PKHD1: variants seen among roughly 807,000 people sequenced by gnomAD.
PKHD1 encodes the protein fibrocystin.
Under a neutral mutation model 412.0 loss-of-function variants are expected in PKHD1, and 291 were observed. The ratio of observed to expected loss-of-function variants is 0.71; its 90% confidence interval spans 0.64 to 0.78. The LOEUF (loss-of-function observed/expected upper bound fraction) is 0.78, where lower values mean the gene tolerates loss of function less well. Ranked by LOEUF, PKHD1 falls within the 30% of genes least tolerant of loss-of-function variation. The pLI is 0.00. For missense variants in PKHD1, 4,825 were observed against 4,950.7 expected, an observed-to-expected ratio of 0.97 and a Z score of 0.76; for synonymous variants, 1,777 against 1,821.5, an observed-to-expected ratio of 0.98 and a Z score of 0.62.
Position 51,934,246 on chromosome 6 carries a change from C to T in PKHD1, c.5985G>A (p.Glu1995=). The change falls in exon 37 of 67, where the codon GAG becomes GAA. Residue 1995 remains glutamate, a synonymous_variant. Transcript: ENST00000371117. ...GCTTGTCTTCGGATCCAATCCGGAG[C>T]TCTCCACCATCAGAAACAAGGATGG... ...AHAILVSDGG[E]LRIGSEDKPF... is the part of the protein sequence containing the mutation. The T allele has an allele frequency of 3.1e-6, 5 of 1,613,808 alleles. No homozygotes were observed. Among genetic ancestry groups the T allele is most frequent in the Non-Finnish European group, 4.2e-6 (5 of 1,179,868 alleles).
rs556572004 is a variant in PKHD1 at position 51,712,000 on chromosome 6, G to A, written c.10156+32385C>T. On this transcript the variant is annotated intron_variant, in intron 60 of 66. Transcript: ENST00000371117. Reference sequence around the variant, plus strand: ...GTAGCATGTGAATCTAACCAACAGAGATTGCACCACATTATGCTCTCAGCC... The same window carrying A: ...GTAGCATGTGAATCTAACCAACAGAAATTGCACCACATTATGCTCTCAGCC... Among the ~76,000 whole-genome samples the A allele has an allele frequency of 7.2e-5, 11 of 152,246 alleles. No homozygotes were observed. In the South Asian group the frequency reaches 1.9e-3, roughly 26 times the overall value.
intron 60 of PKHD1, among the ~76,000 whole-genome samples, chr6:51,724,295 A>G (rs534848476): frequency 6.6e-6 from 1 of 152,226 alleles, no homozygotes; most frequent in Non-Finnish European, 1.5e-5. Flanking sequence ...GCAAACAATT[A>G]TCTAGTCTTT....
At chr6:51,966,252 A>G (rs1277355780) in intron 35 of PKHD1, among the ~76,000 whole-genome samples, 4 of 152,158 alleles carry the variant, frequency 2.6e-5, no homozygotes, top group African/African-American at 4.8e-5. Flanking sequence ...ATCAATCAAT[A>G]TATGTAAGAT....
chr6:51,735,437 G>A (rs1399284000), intron 60 of PKHD1, among the ~76,000 whole-genome samples: 7 of 152,086 alleles, frequency 4.6e-5, no homozygotes, highest in Admixed American at 4.6e-4. Flanking sequence ...CTAGATAATG[G>A]CAATTATTAT....
intron 34 of PKHD1, among the ~76,000 whole-genome samples, chr6:52,015,390 G>A (rs755708138): frequency 5.9e-5 from 9 of 152,096 alleles, no homozygotes; most frequent in South Asian, 2.1e-4. Context: ...TTCGTGAATC[G>A]GCAAATTGTC....
intron 61 of PKHD1, among the ~76,000 whole-genome samples, chr6:51,657,382 T>C (rs1156790776): frequency 2.0e-5 from 3 of 152,134 alleles, no homozygotes; most frequent in Non-Finnish European, 4.4e-5. Flanking sequence ...CCATAGGATA[T>C]GGCATTTCTT....
intron 60 of PKHD1, chr6:51,721,467 C>G (rs1256292177): frequency 1.2e-6 from 1 of 810,126 alleles, no homozygotes; most frequent in Non-Finnish European, 1.5e-6. Flanking sequence ...AATAAGGCTT[C>G]TCTACCATAT....
chr6:51,909,897 CA>C (rs1782697036), intron 39 of PKHD1, among the ~76,000 whole-genome samples: 1 of 152,066 alleles, frequency 6.6e-6, no homozygotes, highest in Admixed American at 6.6e-5. Flanking sequence ...TTAAGCTGTC[CA>C]ATGAGGTTTC....
chr6:51,901,186 C>G (rs1198474182), intron 43 of PKHD1, among the ~76,000 whole-genome samples: 1 of 152,140 alleles, frequency 6.6e-6, no homozygotes, highest in Non-Finnish European at 1.5e-5. Context: ...ACCCAAAGGA[C>G]TATAAATCAT....
intron 60 of PKHD1, among the ~76,000 whole-genome samples, chr6:51,665,453 A>C (rs1048436964): frequency 6.6e-6 from 1 of 152,124 alleles, no homozygotes; most frequent in South Asian, 2.1e-4. Context: ...GACCCGAAAA[A>C]CCCCACAAAT....
intron 20 of PKHD1, 89 bp downstream of exon 20, chr6:52,053,949 A>G: frequency 3.0e-6 from 4 of 1,351,722 alleles, no homozygotes; most frequent in African/African-American, 1.4e-5. Flanking sequence ...ATATAAGACC[A>G]TTAGTGCCTG....
At chr6:51,892,176 T>A (rs1483455843) in intron 43 of PKHD1, among the ~76,000 whole-genome samples, 1 of 152,226 alleles carries the variant, frequency 6.6e-6, no homozygotes, top group Non-Finnish European at 1.5e-5. Context: ...TTCTCCAATT[T>A]CCTAAAAGCA....
chr6:51,738,214 G>A (rs1044098355), intron 60 of PKHD1, among the ~76,000 whole-genome samples: 4 of 152,116 alleles, frequency 2.6e-5, no homozygotes, highest in Non-Finnish European at 5.9e-5. Context: ...GACAGCTAGC[G>A]CACTCCAACA....
chr6:51,762,918 G>A (rs1476353869), intron 55 of PKHD1, among the ~76,000 whole-genome samples: 1 of 151,956 alleles, frequency 6.6e-6, no homozygotes. Context: ...AAGGGTATAT[G>A]TAAACTACTA....
chr6:51,628,810 AACTAT>A (rs1183940869), intron 65 of PKHD1, among the ~76,000 whole-genome samples: 6 of 152,196 alleles, frequency 3.9e-5, no homozygotes, highest in African/African-American at 1.4e-4. Context: ...CTAGACTTCA[AACTAT>A]ACTACAAAGG....
At chr6:51,998,747 TTC>T (rs1798007709) in intron 35 of PKHD1, among the ~76,000 whole-genome samples, 1 of 152,218 alleles carries the variant, frequency 6.6e-6, no homozygotes, top group South Asian at 2.1e-4. Flanking sequence ...ATGGCTACTT[TTC>T]TCTTTTATCC....
chr6:51,741,073 T>A, intron 60 of PKHD1: 1 of 518,694 alleles, frequency 1.9e-6, no homozygotes, highest in Non-Finnish European at 3.9e-6. Context: ...GTTTTACCAT[T>A]GAATCATGTT....
At position 52,027,322 on chromosome 6, in the gene PKHD1, A is replaced by C. The variant is rs148528677; in HGVS notation, c.3628+507T>G. Among the ~76,000 whole-genome samples, 18 of 152,044 alleles carry C rather than the reference A, an allele frequency of 1.2e-4. No individual in the cohort carries two copies. In the East Asian group the frequency reaches 3.1e-3, roughly 26 times the overall value. ...CGAGGTGGGCAGATCACCTGAGGTA[A>C]GGAGTTCAAGACCAGCCTGGCCAAC... On this transcript the variant is annotated intron_variant, in intron 31 of 66. Coordinates refer to ENST00000371117, the MANE Select transcript of PKHD1 (RefSeq NM_138694.4).
At chr6:51,633,608 A>C (rs1402221729) in intron 64 of PKHD1, among the ~76,000 whole-genome samples, 2 of 152,182 alleles carry the variant, frequency 1.3e-5, no homozygotes, top group East Asian at 3.8e-4. Flanking sequence ...ATGAGCATAA[A>C]AGGCATTATG....
Sources: allele counts gnomAD v4.1 joint callset (sites outside exome capture counted in the v4.1 genomes callset), GRCh38; gene constraint gnomAD v4.1.1; transcripts MANE v1.5; gene names NCBI Gene and HGNC (gene_info 2026-07-23, HGNC 2026-07-21).